PCDH11X: variants seen among roughly 807,000 people sequenced by gnomAD.
PCDH11X encodes protocadherin-11 X-linked.
A neutral mutation model predicts 53.3 loss-of-function variants in PCDH11X; 18 were observed. That is an observed-to-expected ratio of 0.34 (90% confidence interval 0.23 to 0.50). The LOEUF is 0.50. Ranked by LOEUF, PCDH11X falls within the 20% of genes least tolerant of loss-of-function variation. The pLI is 0.98. For synonymous variants in PCDH11X, 279 were observed against 393.3 expected, an observed-to-expected ratio of 0.71 and a Z score of 3.44; for missense variants, 570 against 1,032.4, an observed-to-expected ratio of 0.55 and a Z score of 6.14.
At chrX:92,422,546 T>G (rs1430525378) in intron 9 of PCDH11X, among the ~76,000 whole-genome samples, 7 of 111,677 alleles carry the variant, frequency 6.3e-5, no homozygotes, top group Non-Finnish European at 1.1e-4. Flanking sequence ...ATTTATTTAT[T>G]CACTGGTTGA....
intron 8 of PCDH11X, among the ~76,000 whole-genome samples, chrX:92,300,165 G>A (rs893177724): frequency 1.8e-5 from 2 of 110,072 alleles, no homozygotes; most frequent in African/African-American, 6.6e-5. Context: ...TGTGGTCCGA[G>A]AGTGTGGTTT....
intron 9 of PCDH11X, among the ~76,000 whole-genome samples, chrX:92,448,644 C>G (rs181433528): frequency 2.0e-5 from 2 of 99,497 alleles, no homozygotes; most frequent in Admixed American, 1.1e-4. Context: ...GACTAACACA[C>G]GAAATTTCCT....
At chrX:91,814,905 C>G (rs1460461582) in intron 4 of PCDH11X, among the ~76,000 whole-genome samples, 1 of 108,534 alleles carries the variant, frequency 9.2e-6, no homozygotes, top group African/African-American at 3.3e-5. Flanking sequence ...GCAGGATATA[C>G]AAATACCTTT....
chrX:91,829,912 A>G (rs749092392), intron 4 of PCDH11X, among the ~76,000 whole-genome samples: 24 of 110,924 alleles, frequency 2.2e-4, no homozygotes, highest in African/African-American at 7.6e-4. Context: ...TTATTATGAT[A>G]ATCTGGTACT....
At chrX:92,475,316 T>TCTCAATTAAA (rs2073359775) in intron 10 of PCDH11X, among the ~76,000 whole-genome samples, 1 of 111,278 alleles carries the variant, frequency 9.0e-6, no homozygotes, top group Admixed American at 9.6e-5. Flanking sequence ...CTATTCTTTT[T>TCTCAATTAAA]AATTGAGGCA....
intron 6 of PCDH11X, among the ~76,000 whole-genome samples, chrX:92,129,516 A>C (rs779099716): frequency 8.9e-6 from 1 of 112,414 alleles, no homozygotes; most frequent in South Asian, 3.7e-4. Context: ...ATTTAGTATA[A>C]GTTTTATAGG....
intron 7 of PCDH11X, among the ~76,000 whole-genome samples, chrX:92,206,973 C>T (rs2066487675): frequency 9.0e-6 from 1 of 111,615 alleles, no homozygotes; most frequent in Non-Finnish European, 1.9e-5. Flanking sequence ...TAAAGAAAAT[C>T]AAATGAGAAT....
chrX:92,027,003 T>C (rs866823761), intron 6 of PCDH11X, among the ~76,000 whole-genome samples: 43 of 103,811 alleles, frequency 4.1e-4, no homozygotes, highest in Non-Finnish European at 7.3e-4. Context: ...TACACAATCA[T>C]AAGGGATACA....
intron 6 of PCDH11X, among the ~76,000 whole-genome samples, chrX:91,907,833 T>G (rs1185538281): frequency 9.0e-6 from 1 of 111,331 alleles, no homozygotes; most frequent in Non-Finnish European, 1.9e-5. Flanking sequence ...CCTTTATGTG[T>G]TCATGTGCTC....
intron 6 of PCDH11X, among the ~76,000 whole-genome samples, chrX:91,973,607 A>C (rs4372168): frequency 1.0e-5 from 1 of 99,828 alleles, no homozygotes; most frequent in Non-Finnish European, 2.0e-5. Flanking sequence ...CCATAAGTAT[A>C]TACAACTTTT....
At chrX:91,791,400 T>C (rs1349012352) in intron 1 of PCDH11X, among the ~76,000 whole-genome samples, 2 of 110,285 alleles carry the variant, frequency 1.8e-5, no homozygotes, top group African/African-American at 6.6e-5. Flanking sequence ...TCACGTCTTA[T>C]ATGGCCAAAG....
At chrX:92,008,628 G>GTT (rs1242953579) in intron 6 of PCDH11X, among the ~76,000 whole-genome samples, 5 of 100,108 alleles carry the variant, frequency 5.0e-5, no homozygotes, top group African/African-American at 1.1e-4. Flanking sequence ...TCTTATGAAA[G>GTT]TTTTTTTTTT....
rs112187302 is a variant in PCDH11X at position 92,016,588 on chromosome X, ATT to A, written c.3033+137325_3033+137326del. ...CTCATGACCAACCTCTGCTAACTTC[ATT>A]TTTTTTTTTCCTGTAGCTTTCTCGC... On this transcript the variant is annotated intron_variant, in intron 6 of 10. Coordinates refer to ENST00000682573, the MANE Select transcript of PCDH11X (RefSeq NM_032968.5). 1.8e-3 allele frequency among the ~76,000 whole-genome samples: 180 copies of A among 101,500 alleles called. 1 individual carries two copies. Among genetic ancestry groups the A allele is most frequent in the African/African-American group, 5.9e-3 (165 of 27,970 alleles). 88.1% of individuals were successfully genotyped at this position (101,500 alleles called of 115,157 possible). A position where few individuals can be genotyped will look rare whatever the true frequency, so the allele number is the denominator to read the frequency against.
At position 91,839,652 on chromosome X, in the gene PCDH11X, G is replaced by A. The variant is rs1937444364; in HGVS notation, c.540+3608G>A. Among the ~76,000 whole-genome samples, 3 of 109,152 alleles carry A rather than the reference G, an allele frequency of 2.7e-5. No individual in the cohort carries two copies. In the Admixed American group the frequency reaches 3.0e-4, roughly 11 times the overall value. 94.8% of individuals were successfully genotyped at this position (109,152 alleles called of 115,157 possible). A position where few individuals can be genotyped will look rare whatever the true frequency, so the allele number is the denominator to read the frequency against. ...AAAAAATTAAAAAGGGAAAAAGTGG[G>A]GGAATGAAGTGATTACCAAGTAATT... On this transcript the variant is annotated intron_variant, in intron 5 of 10. Transcript: ENST00000682573.
At chrX:91,791,907 G>C (rs1171038785) in intron 1 of PCDH11X, among the ~76,000 whole-genome samples, 1 of 100,952 alleles carries the variant, frequency 9.9e-6, no homozygotes, top group African/African-American at 3.7e-5. Flanking sequence ...TGTCGCCCAG[G>C]CTGGAGTGCA....
chrX:91,920,666 C>A (rs1602495592), intron 6 of PCDH11X, among the ~76,000 whole-genome samples: 1 of 111,024 alleles, frequency 9.0e-6, no homozygotes, highest in African/African-American at 3.3e-5. Context: ...ACAATTGAGA[C>A]ATTGTATACT....
At chrX:91,795,455 A>G (rs897044897) in intron 1 of PCDH11X, among the ~76,000 whole-genome samples, 5 of 110,819 alleles carry the variant, frequency 4.5e-5, no homozygotes, top group Non-Finnish European at 7.6e-5. Flanking sequence ...ATAGCCCAAA[A>G]TAGTCCAGTG....
In PCDH11X at chrX:92,618,479, C is replaced by G. The variant is rs745920457; in HGVS notation, c.3583C>G (p.Leu1195Val). Residue 1195 changes from leucine (L) to valine (V), a missense_variant, in exon 11 of 11, where the codon CTC (leucine) becomes GTC (valine). Physicochemically the swap from Leu to Val is conservative, Grantham distance 32. Coordinates refer to ENST00000682573, the MANE Select transcript of PCDH11X (RefSeq NM_032968.5). ...CCCACGAGTGACACAGACCATTGCT[C>G]TCTGCCACAGCCCTCCAGTGACACA... is the stretch of plus-strand genomic sequence containing the variant. ...HSPRVTQTIA[L>V]CHSPPVTQTI... The G allele has an allele frequency of 1.1e-5, 13 of 1,209,955 alleles. No homozygotes were observed. In the Admixed American group the frequency reaches 2.2e-4, roughly 20 times the overall value.
intron 9 of PCDH11X, among the ~76,000 whole-genome samples, chrX:92,432,898 A>G (rs1234909872): frequency 1.8e-5 from 2 of 110,799 alleles, no homozygotes; most frequent in East Asian, 5.7e-4. Context: ...GTTTTAAATC[A>G]ATTAAAACTT....
Sources: gnomAD v4.1 joint callset for allele counts (sites outside exome capture counted in the v4.1 genomes callset) on GRCh38, gnomAD v4.1.1 for gene constraint, MANE v1.5 for transcripts, NCBI Gene and HGNC (gene_info 2026-07-23, HGNC 2026-07-21) for gene names.